ADGRL4: variants seen among roughly 807,000 people sequenced by gnomAD.
ADGRL4 encodes the protein adhesion G protein-coupled receptor L4, also known as EGF, latrophilin and seven transmembrane domain containing 1.
ADGRL4 carries 90 observed loss-of-function variants against 74.8 expected under a neutral mutation model. That is an observed-to-expected ratio of 1.20 (90% confidence interval 1.02 to 1.43). ADGRL4 has a LOEUF of 1.43. Ranked by LOEUF, ADGRL4 falls within the 40% of genes most tolerant of loss-of-function variation. The pLI, the probability that ADGRL4 is intolerant of heterozygous loss-of-function variation, is 0.00. For synonymous variants in ADGRL4, 311 were observed against 279.2 expected, an observed-to-expected ratio of 1.11 and a Z score of -1.14; for missense variants, 881 against 814.3, an observed-to-expected ratio of 1.08 and a Z score of -1.00.
intron 12 of ADGRL4, among the ~76,000 whole-genome samples, chr1:78,910,853 T>G (rs1194422599): frequency 6.6e-6 from 1 of 151,852 alleles, no homozygotes; most frequent in Non-Finnish European, 1.5e-5. Context: ...ATAGAATCAA[T>G]GAGGTCACTG....
intron 3 of ADGRL4, among the ~76,000 whole-genome samples, chr1:78,943,017 C>A (rs1649520188): frequency 6.6e-6 from 1 of 152,120 alleles, no homozygotes; most frequent in African/African-American, 2.4e-5. Context: ...TTATCATAAT[C>A]TTCTTTCAAA....
At chr1:78,913,483 G>A (rs1648806190) in intron 12 of ADGRL4, among the ~76,000 whole-genome samples, 1 of 151,888 alleles carries the variant, frequency 6.6e-6, no homozygotes, top group African/African-American at 2.4e-5. Context: ...GGTCGTGGAT[G>A]GAACTGGAGG....
intron 8 of ADGRL4, among the ~76,000 whole-genome samples, chr1:78,926,479 A>G (rs60640721): frequency 0.013 from 1,953 of 152,118 alleles, 43 homozygotes; most frequent in African/African-American, 0.045. Context: ...CTTTTAATCA[A>G]CACCAGAATC....
At chr1:78,937,481 G>A (rs1649379009) in intron 6 of ADGRL4, among the ~76,000 whole-genome samples, 1 of 152,116 alleles carries the variant, frequency 6.6e-6, no homozygotes, top group Non-Finnish European at 1.5e-5. Flanking sequence ...AAGATCATTG[G>A]TCAAGGTAGA....
intron 2 of ADGRL4, among the ~76,000 whole-genome samples, chr1:78,963,686 C>T (rs1649999249): frequency 6.6e-6 from 1 of 151,992 alleles, no homozygotes; most frequent in African/African-American, 2.4e-5. Context: ...CATCATTAGT[C>T]TTGTGACAAT....
intron 2 of ADGRL4, among the ~76,000 whole-genome samples, chr1:78,984,153 T>C (rs1385683577): frequency 6.6e-6 from 1 of 151,768 alleles, no homozygotes; most frequent in Non-Finnish European, 1.5e-5. Context: ...GAACAGTTTC[T>C]GGTACAAAGT....
At chr1:78,984,562 T>C (rs1650457512) in intron 2 of ADGRL4, among the ~76,000 whole-genome samples, 1 of 151,748 alleles carries the variant, frequency 6.6e-6, no homozygotes, top group South Asian at 2.1e-4. Flanking sequence ...GTATGCAAGT[T>C]CTAATGATGA....
intron 1 of ADGRL4, among the ~76,000 whole-genome samples, chr1:79,006,240 G>A (rs1650959691): frequency 2.0e-5 from 3 of 152,116 alleles, no homozygotes; most frequent in East Asian, 3.9e-4. Flanking sequence ...GTTCACCCTC[G>A]GAGATGTCAT....
chr1:78,899,187 G>A (rs867467474), intron 12 of ADGRL4, among the ~76,000 whole-genome samples: 24 of 152,134 alleles, frequency 1.6e-4, no homozygotes, highest in Admixed American at 2.6e-4. Context: ...TAATCACAAT[G>A]TCTTTGTTCT....
At chr1:78,916,119 C>A (rs1393255284) in intron 12 of ADGRL4, among the ~76,000 whole-genome samples, 1 of 151,794 alleles carries the variant, frequency 6.6e-6, no homozygotes, top group Non-Finnish European at 1.5e-5. Context: ...TAAATAATTT[C>A]ATCTAAATTC....
At chr1:78,969,395 C>A (rs1650124343) in intron 2 of ADGRL4, among the ~76,000 whole-genome samples, 1 of 152,136 alleles carries the variant, frequency 6.6e-6, no homozygotes, top group Middle Eastern at 3.4e-3. Context: ...CTAGACAGTC[C>A]CTGTACAGGG....
chr1:78,916,262 T>C (rs1648870718), intron 12 of ADGRL4, among the ~76,000 whole-genome samples: 1 of 151,914 alleles, frequency 6.6e-6, no homozygotes, highest in Non-Finnish European at 1.5e-5. Flanking sequence ...ATAATTTCTA[T>C]CATGCTACTT....
chr1:78,932,056 A>C (rs1649254418), intron 7 of ADGRL4, among the ~76,000 whole-genome samples: 3 of 151,494 alleles, frequency 2.0e-5, no homozygotes, highest in Admixed American at 2.0e-4. Flanking sequence ...CAGGACTAGA[A>C]CTCAGTTCCG....
At chr1:78,942,787 C>T (rs886910593) in intron 3 of ADGRL4, among the ~76,000 whole-genome samples, 3 of 151,952 alleles carry the variant, frequency 2.0e-5, no homozygotes, top group Admixed American at 1.3e-4. Context: ...AAAAATTAGT[C>T]AGACAAGGTG....
intron 2 of ADGRL4, among the ~76,000 whole-genome samples, chr1:78,972,763 A>G (rs1327688120): frequency 1.3e-5 from 2 of 152,232 alleles, no homozygotes; most frequent in African/African-American, 4.8e-5. Flanking sequence ...CTCAAATTGT[A>G]AGACCTTTCA....
intron 2 of ADGRL4, among the ~76,000 whole-genome samples, chr1:78,964,266 T>C (rs913090144): frequency 1.3e-5 from 2 of 152,230 alleles, no homozygotes; most frequent in African/African-American, 2.4e-5. Context: ...GTACATTTAT[T>C]TATCACTCTA....
Position 78,893,193 on chromosome 1 carries a change from GA to G in ADGRL4, c.1750-5del. ...CTCCAAAAGCCAAGAGATTAACCTG[GA>G]AAAAGAATTAATTTCAAAGAAGAGA... On this transcript the variant is annotated splice_region_variant and splice_polypyrimidine_tract_variant and intron_variant, in intron 12 of 14. Transcript: ENST00000370742. 1.9e-6 allele frequency: 3 copies of G among 1,564,736 alleles called. No homozygotes were observed. Among genetic ancestry groups the G allele is most frequent in the South Asian group, 1.2e-5 (1 of 85,880 alleles).
Position 78,937,996 on chromosome 1 carries a change from G to T in ADGRL4, c.577-6C>A. 1 of 1,601,860 alleles carries T rather than the reference G, an allele frequency of 6.2e-7. No individual in the cohort carries two copies. The highest frequency in any genetic ancestry group is 8.5e-7 in the Non-Finnish European group (1 of 1,176,514). On this transcript the variant is annotated splice_polypyrimidine_tract_variant and splice_region_variant and intron_variant, in intron 5 of 14. Coordinates refer to ENST00000370742, the MANE Select transcript of ADGRL4 (RefSeq NM_022159.4). ...TTCACGGTTTTTACAAATTCCTATTGAAAAAAAGTATGTCTTTTAGAAATG... is the reference window on the plus strand; with the variant it reads ...TTCACGGTTTTTACAAATTCCTATTTAAAAAAAGTATGTCTTTTAGAAATG...
chr1:78,897,661 CT>C lies in ADGRL4; in HGVS notation c.1750-4473del, dbSNP rs571415431. ...CTTTAACTTTGTATCAGAATAATAA[CT>C]TTTGCCAGAAAAAATACTTATCTAA... On this transcript the variant is annotated intron_variant, in intron 12 of 14. Coordinates refer to ENST00000370742, the MANE Select transcript of ADGRL4 (RefSeq NM_022159.4). Among the ~76,000 whole-genome samples the C allele has an allele frequency of 1.2e-4, 18 of 152,206 alleles. No individual in the cohort carries two copies. In the South Asian group the frequency reaches 3.5e-3, roughly 30 times the overall value.
Sources: allele counts gnomAD v4.1 joint callset (sites outside exome capture counted in the v4.1 genomes callset), GRCh38; gene constraint gnomAD v4.1.1; transcripts MANE v1.5; gene names NCBI Gene and HGNC (gene_info 2026-07-23, HGNC 2026-07-21).